GALNT13: variants seen among roughly 807,000 people sequenced by gnomAD.
GALNT13 encodes UDP-GalNAc:polypeptide N-acetylgalactosaminyltransferase 13.
In GALNT13, 28 loss-of-function variants were observed where a neutral mutation model predicts 64.2. That is an observed-to-expected ratio of 0.44 (90% confidence interval 0.32 to 0.60). The LOEUF (loss-of-function observed/expected upper bound fraction) is 0.60, where lower values mean the gene tolerates loss of function less well. GALNT13 is among the 20% of genes least tolerant of loss of function. The pLI is 0.05. For missense variants in GALNT13, 577 were observed against 669.8 expected, an observed-to-expected ratio of 0.86 and a Z score of 1.53; for synonymous variants, 214 against 224.6, an observed-to-expected ratio of 0.95 and a Z score of 0.42.
At chr2:153,445,565 A>G in the GALNT13 span, among the ~76,000 whole-genome samples, 3 of 152,148 alleles carry the variant, frequency 2.0e-5, no homozygotes, top group Non-Finnish European at 4.4e-5. Flanking sequence ...TTTAGTAGAG[A>G]CAGGGTTTTG....
At chr2:154,447,510 A>C (rs1347267973) in intron 12 of GALNT13, among the ~76,000 whole-genome samples, 1 of 152,002 alleles carries the variant, frequency 6.6e-6, no homozygotes, top group Non-Finnish European at 1.5e-5. Flanking sequence ...AACATGTCCT[A>C]GCTTTTAGTT....
At chr2:153,115,104 A>G in the GALNT13 span, among the ~76,000 whole-genome samples, 2 of 151,884 alleles carry the variant, frequency 1.3e-5, no homozygotes, top group Non-Finnish European at 2.9e-5. Flanking sequence ...AAAATAAAGG[A>G]AGATAATCAT....
chr2:153,271,088 C>T, the GALNT13 span, among the ~76,000 whole-genome samples: 3 of 152,086 alleles, frequency 2.0e-5, no homozygotes, highest in Non-Finnish European at 4.4e-5. Flanking sequence ...CAAAAACTCT[C>T]TCAATAAACT....
the GALNT13 span, among the ~76,000 whole-genome samples, chr2:153,593,839 ACT>A: frequency 6.6e-6 from 1 of 152,156 alleles, no homozygotes; most frequent in African/African-American, 2.4e-5. Context: ...TGGTATAAGA[ACT>A]CTCTTAGGAG....
the GALNT13 span, among the ~76,000 whole-genome samples, chr2:153,127,177 G>GCAAT: frequency 6.6e-6 from 1 of 152,120 alleles, no homozygotes; most frequent in Non-Finnish European, 1.5e-5. Flanking sequence ...TGCTGGTAAT[G>GCAAT]CAATACATTA....
At chr2:153,658,091 AC>A in the GALNT13 span, among the ~76,000 whole-genome samples, 3 of 151,874 alleles carry the variant, frequency 2.0e-5, no homozygotes, top group African/African-American at 7.3e-5. Context: ...CTCATTCAAG[AC>A]CCCTTCTCAG....
At chr2:154,269,879 T>C (rs908101910) in intron 8 of GALNT13, among the ~76,000 whole-genome samples, 1 of 139,390 alleles carries the variant, frequency 7.2e-6, no homozygotes, top group Non-Finnish European at 1.6e-5. Context: ...CTACTAAAGA[T>C]TGTCATATAT....
intron 4 of GALNT13, among the ~76,000 whole-genome samples, chr2:154,206,272 AT>A (rs1687447864): frequency 6.6e-6 from 1 of 151,818 alleles, no homozygotes; most frequent in Admixed American, 6.6e-5. Context: ...AAGTGCTGGG[AT>A]TACAGGCATG....
Position 154,194,270 on chromosome 2 carries a change from C to T in GALNT13, c.312-47760C>T, listed in dbSNP as rs1385043047. On this transcript the variant is annotated intron_variant, in intron 4 of 12. Transcript: ENST00000392825. Reference sequence around the variant, plus strand: ...TAATTACAAGTTAATCATATACTAACACTGACCATTCTGTGCTTTATTGAC... The same window carrying T: ...TAATTACAAGTTAATCATATACTAATACTGACCATTCTGTGCTTTATTGAC... Among the ~76,000 whole-genome samples, 5 of 152,292 alleles carry T rather than the reference C, an allele frequency of 3.3e-5. No homozygotes were observed. In the East Asian group the frequency reaches 7.7e-4, roughly 24 times the overall value.
At chr2:153,534,625 C>T in the GALNT13 span, among the ~76,000 whole-genome samples, 3 of 148,202 alleles carry the variant, frequency 2.0e-5, no homozygotes, top group East Asian at 2.0e-4. Flanking sequence ...AAGGGTGGGC[C>T]GTTTTATAGG....
chr2:153,076,091 G>T, the GALNT13 span, among the ~76,000 whole-genome samples: 1 of 151,900 alleles, frequency 6.6e-6, no homozygotes, highest in Non-Finnish European at 1.5e-5. Flanking sequence ...AAGTCTTTTT[G>T]TTTTTTGCCG....
the GALNT13 span, among the ~76,000 whole-genome samples, chr2:153,248,545 T>G: frequency 2.0e-5 from 3 of 151,690 alleles, no homozygotes; most frequent in African/African-American, 4.8e-5. Context: ...CCGGGCGTGG[T>G]GGCTCAGCCT....
At chr2:153,380,013 T>C in the GALNT13 span, among the ~76,000 whole-genome samples, 33 of 152,198 alleles carry the variant, frequency 2.2e-4, 1 homozygote, top group African/African-American at 7.5e-4. Flanking sequence ...AATATTTCAA[T>C]TGGTACTTGA....
upstream of GALNT13, among the ~76,000 whole-genome samples, chr2:153,870,348 G>A (rs999994245): frequency 1.3e-5 from 2 of 152,066 alleles, no homozygotes; most frequent in Non-Finnish European, 2.9e-5. Flanking sequence ...AAACATGTAA[G>A]AATGGGGGCT....
At chr2:153,924,131 G>C (rs1689946787) in intron 2 of GALNT13, among the ~76,000 whole-genome samples, 1 of 152,076 alleles carries the variant, frequency 6.6e-6, no homozygotes, top group African/African-American at 2.4e-5. Context: ...TTCCATTGTG[G>C]TTTGCTGCAC....
At chr2:153,759,976 A>AT in the GALNT13 span, among the ~76,000 whole-genome samples, 1 of 152,068 alleles carries the variant, frequency 6.6e-6, no homozygotes, top group South Asian at 2.1e-4. Flanking sequence ...TTTAATGGTT[A>AT]TTTTTTATAT....
chr2:153,967,360 C>G (rs559491214), intron 3 of GALNT13, among the ~76,000 whole-genome samples: 101 of 152,140 alleles, frequency 6.6e-4, no homozygotes, highest in Non-Finnish European at 1.1e-3. Context: ...CATACTTGTA[C>G]TCATCCTTCT....
the GALNT13 span, among the ~76,000 whole-genome samples, chr2:153,509,056 A>T: frequency 6.6e-6 from 1 of 152,152 alleles, no homozygotes; most frequent in Non-Finnish European, 1.5e-5. Flanking sequence ...AGTTTGGGGG[A>T]TGCATCCGAG....
At chr2:153,470,470 C>A in the GALNT13 span, among the ~76,000 whole-genome samples, 2 of 152,104 alleles carry the variant, frequency 1.3e-5, no homozygotes, top group Admixed American at 6.6e-5. Context: ...GGAAAAAAAT[C>A]TCTTTCTGCT....
Sources: allele counts gnomAD v4.1 joint callset (sites outside exome capture counted in the v4.1 genomes callset), GRCh38; gene constraint gnomAD v4.1.1; transcripts MANE v1.5; gene names NCBI Gene and HGNC (gene_info 2026-07-23, HGNC 2026-07-21).